RORA: variants seen among roughly 807,000 people sequenced by gnomAD.
The protein encoded by RORA is nuclear receptor ROR-alpha.
In RORA, 7 loss-of-function variants were observed where a neutral mutation model predicts 69.5. That is an observed-to-expected ratio of 0.10 (90% CI 0.06 to 0.19). RORA has a LOEUF of 0.19. RORA is among the 10% of genes least tolerant of loss of function. RORA has a pLI of 1.00. For missense variants in RORA, 457 were observed against 663.0 expected (o/e 0.69, Z 3.41); for synonymous variants, 261 against 240.8 (o/e 1.08, Z -0.78).
chr15:60,904,789 A>T (rs977719040), intron 1 of RORA, among the ~76,000 whole-genome samples: 17 of 152,196 alleles, frequency 1.1e-4, no homozygotes, highest in African/African-American at 3.6e-4. Flanking sequence ...GAACGACGGA[A>T]GAAGGCTGGT....
chr15:60,805,200 C>CA (rs2072643256), intron 1 of RORA, among the ~76,000 whole-genome samples: 1 of 152,222 alleles, frequency 6.6e-6, no homozygotes, highest in Non-Finnish European at 1.5e-5. Flanking sequence ...TCTCCTCTGA[C>CA]ACGCAAGGGA....
intron 1 of RORA, among the ~76,000 whole-genome samples, chr15:60,716,464 G>T (rs1003386323): frequency 2.6e-5 from 4 of 152,162 alleles, no homozygotes; most frequent in Admixed American, 1.3e-4. Flanking sequence ...CCACTTACAG[G>T]CCAGGTAATT....
At chr15:60,909,150 C>T (rs1226171165) in intron 1 of RORA, among the ~76,000 whole-genome samples, 6 of 152,298 alleles carry the variant, frequency 3.9e-5, no homozygotes, top group Admixed American at 6.5e-5. Flanking sequence ...GTGGTCCCAG[C>T]GGTGAGCATA....
intron 1 of RORA, among the ~76,000 whole-genome samples, chr15:60,945,261 A>C (rs984460929): frequency 6.6e-6 from 1 of 152,208 alleles, no homozygotes; most frequent in Non-Finnish European, 1.5e-5. Flanking sequence ...TTTTTAAAGG[A>C]AAATATGTAT....
At chr15:60,745,193 G>A (rs142731130) in intron 1 of RORA, among the ~76,000 whole-genome samples, 12 of 152,230 alleles carry the variant, frequency 7.9e-5, no homozygotes, top group African/African-American at 2.9e-4. Flanking sequence ...TGAAGACCTC[G>A]CACACTCTAA....
chr15:60,745,661 C>T (rs181500927), intron 1 of RORA, among the ~76,000 whole-genome samples: 1 of 152,328 alleles, frequency 6.6e-6, no homozygotes, highest in Admixed American at 6.5e-5. Context: ...GTCTTGTTGG[C>T]CTGTGTCTAA....
chr15:61,156,379 A>G (rs1366831557), intron 1 of RORA, among the ~76,000 whole-genome samples: 2 of 152,276 alleles, frequency 1.3e-5, no homozygotes, highest in East Asian at 3.9e-4. Flanking sequence ...TCTTTTAATC[A>G]GAAAAGAAGA....
At chr15:60,892,339 TA>T (rs1181561906) in intron 1 of RORA, among the ~76,000 whole-genome samples, 1 of 152,192 alleles carries the variant, frequency 6.6e-6, no homozygotes, top group Non-Finnish European at 1.5e-5. Flanking sequence ...TTGAAACTCT[TA>T]ACATATTTTT....
intron 2 of RORA, among the ~76,000 whole-genome samples, chr15:60,662,542 T>C (rs562720791): frequency 2.6e-5 from 4 of 152,326 alleles, no homozygotes; most frequent in African/African-American, 7.2e-5. Context: ...GGAATGTCCA[T>C]GTGTGGAAAA....
At position 60,667,929 on chromosome 15, in the gene RORA, G is replaced by C. The variant is rs115825214; in HGVS notation, c.196+10728C>G. On this transcript the variant is annotated intron_variant, in intron 2 of 10. Transcript: ENST00000335670. The stretch of plus-strand genomic sequence containing the variant: ...TGAGCCACTGCACCCAGCCCAAAGA[G>C]TATGATTCTATTTTTTTTTTTTAAA... Among the ~76,000 whole-genome samples the C allele has an allele frequency of 3.8e-3, 578 of 152,086 alleles. 3 individuals carry two copies. The highest frequency in any genetic ancestry group is 0.013 in the African/African-American group (548 of 41,494).
intron 2 of RORA, among the ~76,000 whole-genome samples, chr15:60,561,303 G>A (rs1477774651): frequency 3.3e-5 from 5 of 151,336 alleles, no homozygotes; most frequent in East Asian, 1.9e-4. Flanking sequence ...GGATGGTCTC[G>A]ATCTCCTGAC....
At chr15:61,028,497 A>C (rs974421011) in intron 1 of RORA, among the ~76,000 whole-genome samples, 1 of 152,214 alleles carries the variant, frequency 6.6e-6, no homozygotes, top group Admixed American at 6.5e-5. Context: ...TATCATGGTG[A>C]GTCAAAGCAG....
At chr15:60,945,003 T>C (rs142507805) in intron 1 of RORA, among the ~76,000 whole-genome samples, 9 of 152,072 alleles carry the variant, frequency 5.9e-5, no homozygotes, top group East Asian at 5.8e-4. Context: ...AAATGAAAGA[T>C]TGAAACAAAA....
intron 1 of RORA, among the ~76,000 whole-genome samples, chr15:60,794,892 T>C (rs1257814590): frequency 6.6e-6 from 1 of 152,196 alleles, no homozygotes; most frequent in Non-Finnish European, 1.5e-5. Context: ...GCCTGTCCAC[T>C]TTCTGTCCTT....
chr15:60,576,506 T>C (rs761420158), intron 2 of RORA, among the ~76,000 whole-genome samples: 1 of 152,252 alleles, frequency 6.6e-6, no homozygotes, highest in African/African-American at 2.4e-5. Flanking sequence ...AAAGTGATTA[T>C]AAAATTAAGG....
chr15:60,688,316 G>A (rs1357895593), intron 1 of RORA, among the ~76,000 whole-genome samples: 1 of 151,938 alleles, frequency 6.6e-6, no homozygotes, highest in Admixed American at 6.6e-5. Context: ...TAATGAGAGT[G>A]ATTATGTTTG....
In RORA at chr15:60,981,111, T is replaced by TC. The variant is rs1446155531; in HGVS notation, c.166+247941dup. Among the ~76,000 whole-genome samples, 23 of 151,778 alleles carry TC rather than the reference T, an allele frequency of 1.5e-4. 2 individuals carry two copies. Among genetic ancestry groups the TC allele is most frequent in the African/African-American group, 3.4e-4 (14 of 41,404 alleles). The stretch of plus-strand genomic sequence containing the variant: ...CTTGGTTTACAGTATTTTTTTTTTT[T>TC]CAGCACTTTGAATGTCATCACACTG... On this transcript the variant is annotated intron_variant, in intron 1 of 10. Transcript: ENST00000335670.
At chr15:60,960,656 T>C (rs1440257058) in intron 1 of RORA, among the ~76,000 whole-genome samples, 2 of 152,020 alleles carry the variant, frequency 1.3e-5, no homozygotes, top group Non-Finnish European at 2.9e-5. Flanking sequence ...TTTTTTTTTT[T>C]TTCTAAAAAC....
chr15:61,129,557 A>G (rs2079172103), intron 1 of RORA, among the ~76,000 whole-genome samples: 1 of 152,188 alleles, frequency 6.6e-6, no homozygotes, highest in African/African-American at 2.4e-5. Context: ...ATGTACTTAA[A>G]GCCAATGCCT....
Sources: allele counts gnomAD v4.1 joint callset (sites outside exome capture counted in the v4.1 genomes callset), GRCh38; gene constraint gnomAD v4.1.1; transcripts MANE v1.5; gene names NCBI Gene and HGNC (gene_info 2026-07-23, HGNC 2026-07-21).